The following NTAQ1 variants were observed in gnomAD, a reference collection of about 807,000 sequenced individuals.
NTAQ1 encodes the protein protein N-terminal glutamine amidohydrolase.
In NTAQ1, 21 loss-of-function variants were observed where a neutral mutation model predicts 28.2. That is an observed-to-expected ratio of 0.74 (90% confidence interval 0.53 to 1.07). The LOEUF is 1.07. NTAQ1 is among the 50% of genes least tolerant of loss of function. The probability of loss-of-function intolerance (pLI) is 0.00; values close to 1 mark genes in which losing one functional copy is unlikely to be tolerated. For synonymous variants in NTAQ1, 105 were observed against 90.0 expected (o/e 1.17, Z -0.94); for missense variants, 264 against 256.6 (o/e 1.03, Z -0.20).
chr8:123,467,093 T>A (rs1227432329), exon 7 of NTAQ1: 1 of 151,436 alleles, frequency 6.6e-6, no homozygotes, highest in African/African-American at 2.4e-5. Context: ...TTGTCCAGGC[T>A]GGAGTGCAGT....
At chr8:123,472,618 CCT>C (rs1274176077), downstream of NTAQ1, among the ~76,000 whole-genome samples, 3 of 152,088 alleles carry the variant, frequency 2.0e-5, no homozygotes, top group Non-Finnish European at 4.4e-5. Context: ...CTCTGTGTGC[CCT>C]CTCTTATAAA....
exon 7 of NTAQ1, among the ~76,000 whole-genome samples, chr8:123,468,974 A>C (rs1276049478): frequency 1.3e-5 from 2 of 152,162 alleles, no homozygotes; most frequent in African/African-American, 4.8e-5. Context: ...GATGATTAGT[A>C]ATGCGAACAT....
intron 2 of NTAQ1, among the ~76,000 whole-genome samples, chr8:123,429,405 T>G (rs1464869897): frequency 6.6e-6 from 1 of 152,232 alleles, no homozygotes; most frequent in Non-Finnish European, 1.5e-5. Context: ...CATGTATGTA[T>G]TGCTTTAAAT....
chr8:123,419,598 G>A (rs1466707072), intron 1 of NTAQ1, among the ~76,000 whole-genome samples: 2 of 152,052 alleles, frequency 1.3e-5, no homozygotes, highest in Non-Finnish European at 2.9e-5. Context: ...AAACAATTGT[G>A]GAGTGCCTGC....
intron 5 of NTAQ1, 70 bp from the exon 6 acceptor site, chr8:123,441,236 G>T: frequency 1.7e-6 from 2 of 1,204,158 alleles, no homozygotes; most frequent in Non-Finnish European, 2.4e-6. Flanking sequence ...TTGGTCTTCT[G>T]CATTGTTTTA....
At chr8:123,445,027 T>G (rs1160083363), downstream of NTAQ1, among the ~76,000 whole-genome samples, 1 of 152,210 alleles carries the variant, frequency 6.6e-6, no homozygotes, top group Non-Finnish European at 1.5e-5. Context: ...GCAAACCTTT[T>G]TGTGTGTTTT....
chr8:123,441,021 C>G (rs867763980), intron 5 of NTAQ1, among the ~76,000 whole-genome samples: 1 of 144,078 alleles, frequency 6.9e-6, no homozygotes, highest in Admixed American at 7.2e-5. Context: ...AAGAGAAGAT[C>G]AGTACTTAGC....
At chr8:123,424,321 C>T (rs894348393) in intron 1 of NTAQ1, among the ~76,000 whole-genome samples, 2 of 151,922 alleles carry the variant, frequency 1.3e-5, no homozygotes, top group Non-Finnish European at 2.9e-5. Flanking sequence ...CAGCTTGCTG[C>T]AACCGCCGCC....
chr8:123,451,883 G>A (rs12155989), downstream of NTAQ1, among the ~76,000 whole-genome samples: 26,072 of 152,158 alleles, frequency 0.17, 2,823 homozygotes, highest in Non-Finnish European at 0.25. Context: ...AATTATTCCC[G>A]TTGACTAGAT....
chr8:123,423,957 A>C (rs1195834633), intron 1 of NTAQ1, among the ~76,000 whole-genome samples: 2 of 150,352 alleles, frequency 1.3e-5, no homozygotes, highest in Non-Finnish European at 2.9e-5. Flanking sequence ...ATCTTGGCTT[A>C]TTACAACCTC....
chr8:123,451,760 G>A (rs1815500932), downstream of NTAQ1, among the ~76,000 whole-genome samples: 1 of 152,132 alleles, frequency 6.6e-6, no homozygotes, highest in Non-Finnish European at 1.5e-5. Context: ...TATTCCTCAA[G>A]CATTCAATAA....
chr8:123,421,915 C>T (rs1426526401), intron 1 of NTAQ1, among the ~76,000 whole-genome samples: 2 of 151,892 alleles, frequency 1.3e-5, no homozygotes, highest in Non-Finnish European at 2.9e-5. Flanking sequence ...CTCCTGACCT[C>T]GTGATCCGCC....
chr8:123,449,964 T>TGC (rs1480389615), downstream of NTAQ1, among the ~76,000 whole-genome samples: 2 of 58,742 alleles, frequency 3.4e-5, 1 homozygote, highest in African/African-American at 1.2e-4. Flanking sequence ...TATATATATA[T>TGC]ATATATATAT....
Position 123,416,894 on chromosome 8 carries a change from C to T in NTAQ1, c.45C>T (p.Ser15=), listed in dbSNP as rs897377317. The change falls in exon 1 of 6, where the codon AGC becomes AGT. Residue 15 remains serine, a synonymous_variant. Coordinates refer to ENST00000287387, the MANE Select transcript of NTAQ1 (RefSeq NM_018024.3). ...CTGCTGTCCACTACCAGCCGGCCAGCCCCCCGCGGGACGCCTGCGTCTACA... is the reference window on the plus strand; with the variant it reads ...CTGCTGTCCACTACCAGCCGGCCAGTCCCCCGCGGGACGCCTGCGTCTACA... ...GPAAVHYQPA[S]PPRDACVYSS... is the part of the protein sequence containing the mutation. 9.2e-6 allele frequency: 14 copies of T among 1,525,856 alleles called. No homozygotes were observed. In the Admixed American group the frequency reaches 1.2e-4, roughly 13 times the overall value. The allele number at this position is 1,525,856 out of a possible 1,614,324, so 94.5% of individuals were successfully genotyped here. A position where few individuals can be genotyped will look rare whatever the true frequency, so the allele number is the denominator to read the frequency against.
intron 1 of NTAQ1, among the ~76,000 whole-genome samples, chr8:123,419,372 T>C (rs973206072): frequency 1.3e-5 from 2 of 152,142 alleles, no homozygotes; most frequent in African/African-American, 4.8e-5. Context: ...ATTCTGGGAT[T>C]ACAGGTGTGA....
chr8:123,437,175 C>G, intron 4 of NTAQ1, 35 bp from the exon 5 acceptor site: 2 of 1,603,752 alleles, frequency 1.2e-6, no homozygotes, highest in Non-Finnish European at 1.7e-6. Context: ...AACATGACAT[C>G]TCCCTAATGT....
chr8:123,459,072 G>A (rs574190307), intron 6 of NTAQ1, among the ~76,000 whole-genome samples: 7 of 151,698 alleles, frequency 4.6e-5, no homozygotes, highest in Middle Eastern at 3.4e-3. Flanking sequence ...GTGAGACTCC[G>A]TCTCAAATAA....
chr8:123,457,693 C>T (rs1229847103), intron 6 of NTAQ1, among the ~76,000 whole-genome samples: 1 of 152,074 alleles, frequency 6.6e-6, no homozygotes, highest in African/African-American at 2.4e-5. Context: ...ATTGTGTACC[C>T]TTTTGTGTTT....
At chr8:123,420,074 A>G (rs1222777011) in intron 1 of NTAQ1, among the ~76,000 whole-genome samples, 1 of 151,838 alleles carries the variant, frequency 6.6e-6, no homozygotes, top group African/African-American at 2.4e-5. Flanking sequence ...GTCACCCTCT[A>G]CCCTCAAGTA....
Sources: gnomAD v4.1 joint callset for allele counts (sites outside exome capture counted in the v4.1 genomes callset) on GRCh38, gnomAD v4.1.1 for gene constraint, MANE v1.5 for transcripts, NCBI Gene and HGNC (gene_info 2026-07-23, HGNC 2026-07-21) for gene names.